Variants in IFI16 observed in about 807,000 individuals in gnomAD.
The protein encoded by IFI16 is interferon gamma inducible protein 16.
In IFI16, 49 loss-of-function variants were observed where a neutral mutation model predicts 68.4. The observed-to-expected ratio is 0.72, with a 90% CI of 0.57 to 0.91. The LOEUF (loss-of-function observed/expected upper bound fraction) is 0.91, where lower values mean the gene tolerates loss of function less well. Among genes scored for constraint, IFI16 ranks in the 40% least tolerant of loss-of-function variants. IFI16 has a pLI of 0.00. For missense variants in IFI16, 878 were observed against 942.9 expected, an observed-to-expected ratio of 0.93 and a Z score of 0.90; for synonymous variants, 307 against 315.0, an observed-to-expected ratio of 0.97 and a Z score of 0.27.
At position 159,018,559 on chromosome 1, in the gene IFI16, A is replaced by G; in HGVS notation, c.880A>G (p.Ile294Val). The G allele has an allele frequency of 1.9e-6, 3 of 1,613,936 alleles. No individual in the cohort carries two copies. Among genetic ancestry groups the G allele is most frequent in the Non-Finnish European group, 2.5e-6 (3 of 1,179,788 alleles). ...CCAAACGTTTGAGGTTCCAAATAAA[A>G]TCATCAACAGAGCAAAGGAAACTCT... ...PNQTFEVPNK[I>V]INRAKETLKI... is the part of the protein sequence containing the mutation. Residue 294 changes from isoleucine to valine, a missense_variant, in exon 5 of 12, where the codon ATC becomes GTC. Around this residue, in one of 4 missense-constraint regions of IFI16, gnomAD observed 443 missense variants for 421.8 expected, o/e 1.05. Coordinates refer to ENST00000295809, the MANE Select transcript of IFI16 (RefSeq NM_001376587.1).
rs1345963332 is a variant in IFI16 at position 159,018,324 on chromosome 1, A to C, written c.645A>C (p.Pro215=). ...VIVKVLSTTK[P]FEYETPEMEK... Reference sequence around the variant, plus strand: ...TGAAGGTACTGAGTACAACAAAGCCATTTGAATATGAGACCCCAGAAATGG... The same window carrying C: ...TGAAGGTACTGAGTACAACAAAGCCCTTTGAATATGAGACCCCAGAAATGG... The change falls in exon 5 of 12, where the codon CCA becomes CCC. Residue 215 remains proline, a synonymous_variant. Transcript: ENST00000295809. 8.1e-6 allele frequency: 13 copies of C among 1,614,142 alleles called. No homozygotes were observed. Among genetic ancestry groups the C allele is most frequent in the Non-Finnish European group, 9.3e-6 (11 of 1,179,952 alleles).
chr1:159,042,210 G>T (rs1287695886), intron 7 of IFI16, among the ~76,000 whole-genome samples: 1 of 152,074 alleles, frequency 6.6e-6, no homozygotes, highest in Non-Finnish European at 1.5e-5. Flanking sequence ...ATTGATGATA[G>T]GTTCTCTCAC....
chr1:159,020,774 A>G (rs1358832273), intron 6 of IFI16, among the ~76,000 whole-genome samples: 2 of 152,066 alleles, frequency 1.3e-5, no homozygotes, highest in East Asian at 3.9e-4. Context: ...TCTGAATTTT[A>G]TGTAAACTTT....
chr1:159,031,695 C>T (rs1430976047), intron 6 of IFI16, among the ~76,000 whole-genome samples: 1 of 152,180 alleles, frequency 6.6e-6, no homozygotes, highest in African/African-American at 2.4e-5. Context: ...TCTGCTGTCT[C>T]CTGGAGCCTG....
At chr1:159,041,911 A>T (rs1293112562) in intron 7 of IFI16, among the ~76,000 whole-genome samples, 2 of 152,214 alleles carry the variant, frequency 1.3e-5, no homozygotes, top group African/African-American at 4.8e-5. Flanking sequence ...GACGTAAGTG[A>T]ATATTCCTGG....
At chr1:159,028,799 T>TGTCTGATGTAAGAATAGCTACTCC (rs1557871335) in intron 6 of IFI16, among the ~76,000 whole-genome samples, 1 of 152,068 alleles carries the variant, frequency 6.6e-6, no homozygotes. Context: ...AAGTTTGTTT[T>TGTCTGATGTAAGAATAGCTACTCC]TTGGTGTCCA....
chr1:159,007,677 C>G (rs1189918601), upstream of IFI16, among the ~76,000 whole-genome samples: 1 of 152,110 alleles, frequency 6.6e-6, no homozygotes, highest in Non-Finnish European at 1.5e-5. Context: ...ATGTGATTAG[C>G]ACCCTTATAA....
chr1:159,020,682 AT>A (rs531894297), intron 6 of IFI16, among the ~76,000 whole-genome samples, 153 bp downstream of exon 6: 5,210 of 150,386 alleles, frequency 0.035, 113 homozygotes, highest in Non-Finnish European at 0.046. Context: ...ACTTTTTTTA[AT>A]TTTTTTTTTC....
intron 7 of IFI16, among the ~76,000 whole-genome samples, chr1:159,043,759 G>A (rs1312311718): frequency 6.6e-6 from 1 of 152,116 alleles, no homozygotes; most frequent in Admixed American, 6.6e-5. Context: ...TATTCTGAGG[G>A]AAAACAAATG....
intron 6 of IFI16, among the ~76,000 whole-genome samples, chr1:159,025,205 C>G (rs1470328891): frequency 6.6e-6 from 1 of 152,156 alleles, no homozygotes; most frequent in African/African-American, 2.4e-5. Flanking sequence ...TCAGCGCCGC[C>G]CAAGGGATGC....
intron 6 of IFI16, among the ~76,000 whole-genome samples, chr1:159,024,989 C>T (rs770006079): frequency 2.6e-5 from 4 of 151,076 alleles, no homozygotes; most frequent in Admixed American, 6.6e-5. Context: ...TTCCCAGGCT[C>T]GAGTTTTTTT....
chr1:159,013,532 A>G (rs1269519716), intron 1 of IFI16, among the ~76,000 whole-genome samples: 1 of 152,210 alleles, frequency 6.6e-6, no homozygotes, highest in Non-Finnish European at 1.5e-5. Context: ...CTAAAATTAA[A>G]AAATTCATTA....
At chr1:159,037,775 A>G (rs1200536115) in intron 7 of IFI16, among the ~76,000 whole-genome samples, 2 of 152,128 alleles carry the variant, frequency 1.3e-5, no homozygotes, top group Non-Finnish European at 2.9e-5. Flanking sequence ...GGCTTTTTTG[A>G]TAATCTTCCT....
intron 7 of IFI16, 132 bp downstream of exon 7, chr1:159,032,823 C>G: frequency 1.3e-6 from 1 of 745,330 alleles, no homozygotes. Context: ...TTATGTCACT[C>G]AATCATTTAT....
At chr1:159,013,891 G>T (rs897155390) in intron 1 of IFI16, among the ~76,000 whole-genome samples, 1 of 152,110 alleles carries the variant, frequency 6.6e-6, no homozygotes, top group African/African-American at 2.4e-5. Context: ...TTTTGGGGAA[G>T]AAAAAGGAGA....
chr1:159,042,553 T>TC (rs1654722211), intron 7 of IFI16, among the ~76,000 whole-genome samples: 1 of 152,132 alleles, frequency 6.6e-6, no homozygotes, highest in African/African-American at 2.4e-5. Flanking sequence ...CTCAGTTCTG[T>TC]CCCCAGATAT....
upstream of IFI16, among the ~76,000 whole-genome samples, chr1:159,006,216 T>C (rs1241232235): frequency 6.6e-6 from 1 of 152,230 alleles, no homozygotes; most frequent in Non-Finnish European, 1.5e-5. Context: ...AAGAGACGGC[T>C]AATGCTCAAA....
At position 159,045,504 on chromosome 1, in the gene IFI16, A is replaced by G. The variant is rs1654923331; in HGVS notation, c.1497+40A>G. ...TTCCCAATACATTCCCCTCACTACA[A>G]TGTAATGACAAGGATTAACACAACC... is the stretch of plus-strand genomic sequence containing the variant. On this transcript the variant is annotated intron_variant, in intron 8 of 11. Transcript: ENST00000295809. 1.7e-5 allele frequency: 27 copies of G among 1,603,632 alleles called. 2 individuals are homozygous for G. Among genetic ancestry groups the G allele is most frequent in the Non-Finnish European group, 2.0e-5 (24 of 1,172,524 alleles).
intron 6 of IFI16, among the ~76,000 whole-genome samples, chr1:159,028,996 A>T (rs772825737): frequency 1.3e-5 from 2 of 152,114 alleles, no homozygotes; most frequent in African/African-American, 4.8e-5. Context: ...CAATGTTAGT[A>T]TTGAGATGTG....
Sources: allele counts gnomAD v4.1 joint callset (sites outside exome capture counted in the v4.1 genomes callset), GRCh38; gene constraint gnomAD v4.1.1; regional missense constraint gnomAD v4.1.1; transcripts MANE v1.5; gene names NCBI Gene and HGNC (gene_info 2026-07-23, HGNC 2026-07-21).